NRXN3: variants seen among roughly 807,000 people sequenced by gnomAD.
NRXN3 encodes the protein neurexin III.
A neutral mutation model predicts 137.6 loss-of-function variants in NRXN3; 32 were observed. The ratio of observed to expected loss-of-function variants is 0.23; its 90% CI spans 0.18 to 0.31. The LOEUF (loss-of-function observed/expected upper bound fraction) is 0.31, where lower values mean the gene tolerates loss of function less well. Ranked by LOEUF, NRXN3 falls within the 10% of genes least tolerant of loss-of-function variation. The probability of loss-of-function intolerance (pLI) is 1.00; values close to 1 mark genes in which losing one functional copy is unlikely to be tolerated. For missense variants in NRXN3, 1,574 were observed against 2,062.5 expected (o/e 0.76, Z 4.59); for synonymous variants, 798 against 784.5 (o/e 1.02, Z -0.29).
intron 4 of NRXN3, among the ~76,000 whole-genome samples, chr14:78,422,848 C>T (rs2093504297): frequency 1.3e-5 from 2 of 152,162 alleles, no homozygotes. Flanking sequence ...TGAGACCAAG[C>T]ATTATGGTGA....
chr14:79,697,072 G>A (rs10141824), intron 18 of NRXN3, among the ~76,000 whole-genome samples: 6,393 of 151,948 alleles, frequency 0.042, 427 homozygotes, highest in African/African-American at 0.14. Flanking sequence ...GAAATGATAC[G>A]TTTGGTGACT....
At chr14:79,686,728 T>C (rs2098696761) in intron 17 of NRXN3, among the ~76,000 whole-genome samples, 1 of 152,202 alleles carries the variant, frequency 6.6e-6, no homozygotes, top group African/African-American at 2.4e-5. Context: ...TTCTTTTCAC[T>C]CATGTTTGGG....
intron 15 of NRXN3, among the ~76,000 whole-genome samples, chr14:79,421,964 A>G (rs970309157): frequency 3.3e-5 from 5 of 152,190 alleles, no homozygotes; most frequent in African/African-American, 2.4e-5. Context: ...CTGCTTTGTT[A>G]TCAGACTTCA....
At chr14:78,266,121 C>T (rs563279113) in intron 2 of NRXN3, among the ~76,000 whole-genome samples, 1 of 152,296 alleles carries the variant, frequency 6.6e-6, no homozygotes, top group South Asian at 2.1e-4. Context: ...ATCTGAGAAA[C>T]ACCTCCTTTT....
At chr14:78,283,159 G>A (rs2074649423) in intron 3 of NRXN3, 2 of 152,218 alleles carry the variant, frequency 1.3e-5, no homozygotes, top group Non-Finnish European at 1.5e-5. Flanking sequence ...ACGAGATTAG[G>A]GAAGGGAACG....
intron 10 of NRXN3, among the ~76,000 whole-genome samples, chr14:78,906,097 G>T (rs952272611): frequency 2.0e-5 from 3 of 151,962 alleles, no homozygotes; most frequent in African/African-American, 7.2e-5. Context: ...AGACTAATCT[G>T]TTAAAGTTGA....
chr14:79,653,695 A>ATAAC (rs112861315), intron 16 of NRXN3, among the ~76,000 whole-genome samples: 2,578 of 152,294 alleles, frequency 0.017, 75 homozygotes, highest in African/African-American at 0.057. Context: ...CTTATTTTAT[A>ATAAC]TAACTTATTA....
intron 16 of NRXN3, among the ~76,000 whole-genome samples, chr14:79,576,155 G>A (rs73326053): frequency 0.088 from 13,432 of 152,186 alleles, 1,224 homozygotes; most frequent in African/African-American, 0.23. Flanking sequence ...TATAGGAGCA[G>A]AAATAAATTA....
intron 16 of NRXN3, among the ~76,000 whole-genome samples, chr14:79,552,684 G>A (rs754641091): frequency 1.3e-5 from 2 of 152,042 alleles, no homozygotes; most frequent in Non-Finnish European, 2.9e-5. Flanking sequence ...GGAGATGAGT[G>A]GCCTGGAAGA....
chr14:78,425,139 A>T (rs2093612697), intron 4 of NRXN3, among the ~76,000 whole-genome samples: 1 of 152,176 alleles, frequency 6.6e-6, no homozygotes, highest in Non-Finnish European at 1.5e-5. Context: ...TATCCAATGT[A>T]CTCAAGATGG....
intron 6 of NRXN3, among the ~76,000 whole-genome samples, chr14:78,673,823 C>T (rs573725645): frequency 7.9e-5 from 12 of 152,220 alleles, no homozygotes; most frequent in East Asian, 1.9e-4. Flanking sequence ...TCAGGGCTTC[C>T]GTATATGAAT....
At chr14:78,170,807 GA>G (rs1025164614) in intron 1 of NRXN3, 133 bp downstream of exon 1, 2 of 152,094 alleles carry the variant, frequency 1.3e-5, no homozygotes, top group African/African-American at 4.8e-5. Context: ...TTTCTTTTTT[GA>G]ATACTGTATC....
rs368983167 is a variant in NRXN3 at position 79,557,309 on chromosome 14, TCCCCCTG to T, written c.3444+89916_3444+89922del. On this transcript the variant is annotated intron_variant, in intron 16 of 20. Coordinates refer to ENST00000335750, the MANE Select transcript of NRXN3 (RefSeq NM_001330195.2). The stretch of plus-strand genomic sequence containing the variant: ...GCAAAGGAAGTTAAAGACCACCTCC[TCCCCCTG>T]CCCCCTGCAAAAACCTAGTAGTTCT... Among the ~76,000 whole-genome samples, 1,118 of 144,750 alleles carry T rather than the reference TCCCCCTG, an allele frequency of 7.7e-3. 17 individuals carry two copies. The highest frequency in any genetic ancestry group is 0.028 in the African/African-American group (1,078 of 39,002). 95.0% of individuals were successfully genotyped at this position (144,750 alleles called of 152,430 possible). A position where few individuals can be genotyped will look rare whatever the true frequency, so the allele number is the denominator to read the frequency against.
chr14:78,748,271 G>A (rs2098622674), intron 8 of NRXN3, among the ~76,000 whole-genome samples: 1 of 152,106 alleles, frequency 6.6e-6, no homozygotes, highest in African/African-American at 2.4e-5. Flanking sequence ...AATAAAGGCT[G>A]GCTAGGAGTC....
chr14:79,578,465 A>G (rs2097685706), intron 16 of NRXN3, among the ~76,000 whole-genome samples: 1 of 152,098 alleles, frequency 6.6e-6, no homozygotes, highest in Non-Finnish European at 1.5e-5. Flanking sequence ...ACCTGAGACC[A>G]TGCGCCCCAA....
chr14:78,305,641 ATAAG>A (rs2077293702), intron 4 of NRXN3, among the ~76,000 whole-genome samples: 1 of 152,220 alleles, frequency 6.6e-6, no homozygotes, highest in Non-Finnish European at 1.5e-5. Flanking sequence ...AGCCTTGAAA[ATAAG>A]TTACTGCCTT....
At chr14:79,668,084 C>T (rs2098577984) in intron 17 of NRXN3, among the ~76,000 whole-genome samples, 1 of 152,054 alleles carries the variant, frequency 6.6e-6, no homozygotes, top group Non-Finnish European at 1.5e-5. Flanking sequence ...GTGCTCTTCA[C>T]AGAATTCCTC....
intron 16 of NRXN3, among the ~76,000 whole-genome samples, chr14:79,586,827 C>G (rs1223937686): frequency 1.3e-5 from 2 of 152,144 alleles, no homozygotes; most frequent in African/African-American, 4.8e-5. Context: ...TTTCTTTACA[C>G]CAGTAGTAGC....
At chr14:79,108,952 G>A (rs548703433) in intron 15 of NRXN3, among the ~76,000 whole-genome samples, 10 of 152,268 alleles carry the variant, frequency 6.6e-5, no homozygotes, top group African/African-American at 2.2e-4. Context: ...GGTTGAGTTG[G>A]ACAGCATTGG....
Sources: allele counts gnomAD v4.1 joint callset (sites outside exome capture counted in the v4.1 genomes callset), GRCh38; gene constraint gnomAD v4.1.1; transcripts MANE v1.5; gene names NCBI Gene and HGNC (gene_info 2026-07-23, HGNC 2026-07-21).